The following FBXL2 variants were observed in gnomAD, a reference collection of about 807,000 sequenced individuals.
The protein encoded by FBXL2 is F-box and leucine rich repeat protein 2, also known as F-box/LRR-repeat protein 2.
A neutral mutation model predicts 69.2 loss-of-function variants in FBXL2; 38 were observed. The observed-to-expected ratio is 0.55, with a 90% CI of 0.42 to 0.72. The LOEUF is 0.72. FBXL2 is among the 30% of genes least tolerant of loss of function. FBXL2 has a pLI of 0.00. For synonymous variants in FBXL2, 192 were observed against 201.3 expected (o/e 0.95, Z 0.39); for missense variants, 354 against 520.3 (o/e 0.68, Z 3.11).
chr3:33,343,613 TCAG>T (rs979301324), intron 2 of FBXL2, among the ~76,000 whole-genome samples: 3 of 152,108 alleles, frequency 2.0e-5, no homozygotes, highest in African/African-American at 4.8e-5. Flanking sequence ...TACAAACTCT[TCAG>T]CAGGACACCT....
At chr3:33,285,951 A>G (rs1367729018) in intron 1 of FBXL2, among the ~76,000 whole-genome samples, 1 of 152,048 alleles carries the variant, frequency 6.6e-6, no homozygotes, top group Non-Finnish European at 1.5e-5. Context: ...ATCTTTCTTC[A>G]AGGTTTTTAG....
the FBXL2 span, chr3:33,412,665 A>T: frequency 8.9e-7 from 1 of 1,126,544 alleles, no homozygotes; most frequent in Non-Finnish European, 1.4e-6. Flanking sequence ...ACAACACATT[A>T]CTGGCTATAG....
intron 2 of FBXL2, among the ~76,000 whole-genome samples, chr3:33,322,064 ATTTTTTTT>A (rs34703817): frequency 1.3e-4 from 8 of 62,444 alleles, no homozygotes; most frequent in African/African-American, 6.1e-4. Context: ...TGACTAGGTG[ATTTTTTTT>A]TTTTTTTTTT....
chr3:33,393,585 G>A lies in FBXL2; in HGVS notation n.1214+7857G>A, dbSNP rs538555747. 2.6e-5 allele frequency: 20 copies of A among 777,518 alleles called. 1 individual carries two copies. The highest frequency in any genetic ancestry group is 3.3e-5 in the Non-Finnish European group (18 of 546,698). 48.2% of individuals were successfully genotyped at this position (777,518 alleles called of 1,614,324 possible). A position where few individuals can be genotyped will look rare whatever the true frequency, so the allele number is the denominator to read the frequency against. ...AAAAAGTAAAAAAACATTTTAAATG[G>A]GAATAAACTATTTCTTTCCCCCATC... On this transcript the variant is annotated intron_variant and non_coding_transcript_variant, in intron 12 of 12. Transcript: ENST00000463736.
At chr3:33,323,535 CACTTA>C (rs552858946) in intron 2 of FBXL2, among the ~76,000 whole-genome samples, 45 of 152,290 alleles carry the variant, frequency 3.0e-4, no homozygotes, top group African/African-American at 1.0e-3. Flanking sequence ...GTTCAGCTCT[CACTTA>C]CGAGTGAGAA....
At chr3:33,389,921 G>T, downstream of FBXL2, 1 of 170,962 alleles carries the variant, frequency 5.8e-6, no homozygotes, top group Non-Finnish European at 1.3e-5. Context: ...CTCCAGGTCA[G>T]CATAAGGTTC....
chr3:33,394,338 G>A (rs1198088121), intron 12 of FBXL2, among the ~76,000 whole-genome samples: 2 of 151,884 alleles, frequency 1.3e-5, no homozygotes, highest in East Asian at 1.9e-4. Context: ...GAGCCAGCAC[G>A]CCCAGTTAAG....
downstream of FBXL2, among the ~76,000 whole-genome samples, chr3:33,407,962 T>G (rs1235838354): frequency 6.6e-6 from 1 of 152,222 alleles, no homozygotes; most frequent in Non-Finnish European, 1.5e-5. Context: ...AATAAAGATT[T>G]GCTATACTTA....
At chr3:33,310,591 A>C (rs1220054914) in intron 2 of FBXL2, among the ~76,000 whole-genome samples, 1 of 151,970 alleles carries the variant, frequency 6.6e-6, no homozygotes, top group Non-Finnish European at 1.5e-5. Context: ...TCTTATTAAC[A>C]TATATTTTCT....
intron 2 of FBXL2, among the ~76,000 whole-genome samples, chr3:33,358,034 T>TA (rs2041338426): frequency 6.6e-6 from 1 of 152,204 alleles, no homozygotes; most frequent in South Asian, 2.1e-4. Context: ...CGTGGATTTT[T>TA]ATCTCACCAC....
In FBXL2 at chr3:33,387,987, G is replaced by A. The variant is rs943940784; in HGVS notation, c.*2379G>A. ...CAGGAGACTGAGGCAGAAGAATGGC[G>A]TGAACCCGGGAGGCAGAGCTTGCAG... On this transcript the variant is annotated 3_prime_UTR_variant, in exon 15 of 15. Transcript: ENST00000484457. 8.0e-5 allele frequency: 12 copies of A among 149,996 alleles called. No homozygotes were observed. Among genetic ancestry groups the A allele is most frequent in the African/African-American group, 2.5e-4 (10 of 40,562 alleles). 9.3% of individuals were successfully genotyped at this position (149,996 alleles called of 1,614,324 possible).
In FBXL2 at chr3:33,277,524, G is replaced by C; in HGVS notation, c.3+9G>C. 1 of 1,297,744 alleles carries C rather than the reference G, an allele frequency of 7.7e-7. No homozygotes were observed. The highest frequency in any genetic ancestry group is 3.6e-5 in the Admixed American group (1 of 27,472). 80.4% of individuals were successfully genotyped at this position (1,297,744 alleles called of 1,614,324 possible). Reference sequence around the variant, plus strand: ...GCGGCTCTTCGGCCATGGTGAGTCTGGGACCCGCGTCTGCCTAGCTGCCCC... The same window carrying C: ...GCGGCTCTTCGGCCATGGTGAGTCTCGGACCCGCGTCTGCCTAGCTGCCCC... On this transcript the variant is annotated intron_variant, in intron 1 of 14. Coordinates refer to ENST00000484457, the MANE Select transcript of FBXL2 (RefSeq NM_012157.5).
chr3:33,279,022 C>G (rs1250562784), intron 1 of FBXL2, among the ~76,000 whole-genome samples: 2 of 152,178 alleles, frequency 1.3e-5, no homozygotes, highest in African/African-American at 4.8e-5. Context: ...ACAGCCCACC[C>G]TCATTCACTA....
intron 2 of FBXL2, among the ~76,000 whole-genome samples, chr3:33,350,421 G>T (rs1417808512): frequency 6.7e-6 from 1 of 148,704 alleles, no homozygotes; most frequent in African/African-American, 2.5e-5. Context: ...AAGACCTACA[G>T]CTAACATCAT....
At chr3:33,400,550 T>G (rs1229006153) in intron 12 of FBXL2, among the ~76,000 whole-genome samples, 5 of 152,222 alleles carry the variant, frequency 3.3e-5, no homozygotes, top group Admixed American at 3.3e-4. Context: ...AACATTTCAT[T>G]GTCTTAAGTG....
At chr3:33,318,952 G>A (rs2037955431) in intron 2 of FBXL2, among the ~76,000 whole-genome samples, 1 of 152,182 alleles carries the variant, frequency 6.6e-6, no homozygotes, top group Non-Finnish European at 1.5e-5. Flanking sequence ...TAGTATAGGT[G>A]TGTTTCCTGA....
chr3:33,337,074 G>A (rs1478877550), intron 2 of FBXL2, among the ~76,000 whole-genome samples: 8 of 151,734 alleles, frequency 5.3e-5, no homozygotes, highest in South Asian at 2.1e-4. Context: ...ACGTGGCGGC[G>A]TGTGCCTGTA....
chr3:33,325,370 G>C (rs533228219), intron 2 of FBXL2, among the ~76,000 whole-genome samples: 1 of 152,228 alleles, frequency 6.6e-6, no homozygotes, highest in East Asian at 1.9e-4. Context: ...GTCTTGTGCT[G>C]GTTTTCAAAG....
At chr3:33,359,056 A>G (rs778940422) in intron 3 of FBXL2, 35 bp downstream of exon 3, 7 of 1,379,690 alleles carry the variant, frequency 5.1e-6, no homozygotes, top group Non-Finnish European at 6.9e-6. Context: ...ATCAATAAAT[A>G]TCAAGTTTTA....
Sources: gnomAD v4.1 joint callset for allele counts (sites outside exome capture counted in the v4.1 genomes callset) on GRCh38, gnomAD v4.1.1 for gene constraint, MANE v1.5 for transcripts, NCBI Gene and HGNC (gene_info 2026-07-23, HGNC 2026-07-21) for gene names.